SERPINF1: variants seen among roughly 807,000 people sequenced by gnomAD.
SERPINF1 encodes the protein pigment epithelium-derived factor.
In SERPINF1, 29 loss-of-function variants were observed where a neutral mutation model predicts 37.3. The observed-to-expected ratio is 0.78, with a 90% CI of 0.58 to 1.06. The LOEUF (loss-of-function observed/expected upper bound fraction) is 1.06, where lower values mean the gene tolerates loss of function less well. Among genes scored for constraint, SERPINF1 ranks in the 50% least tolerant of loss-of-function variants. SERPINF1 has a pLI of 0.00. For missense variants in SERPINF1, 553 were observed against 532.2 expected (o/e 1.04, Z -0.38); for synonymous variants, 281 against 227.9 (o/e 1.23, Z -2.10).
chr17:1,776,329 A>G (rs1390116733), intron 6 of SERPINF1: 3 of 622,292 alleles, frequency 4.8e-6, no homozygotes, highest in Non-Finnish European at 8.6e-6. Context: ...AAAGGCCAAC[A>G]GCATCCTTTC....
At chr17:1,775,482 ACTC>A (rs926540163) in intron 6 of SERPINF1, among the ~76,000 whole-genome samples, 8 of 151,038 alleles carry the variant, frequency 5.3e-5, no homozygotes, top group Non-Finnish European at 8.8e-5. Flanking sequence ...TTCTCTTGAG[ACTC>A]CTATTTCTAG....
chr17:1,763,217 G>T (rs986548615), intron 1 of SERPINF1, among the ~76,000 whole-genome samples: 1 of 152,230 alleles, frequency 6.6e-6, no homozygotes, highest in Non-Finnish European at 1.5e-5. Context: ...GTGGCTGAAG[G>T]CTGTGCGGTT....
chr17:1,769,840 G>A lies in SERPINF1; in HGVS notation c.85-12G>A. 1 of 1,614,166 alleles carries A rather than the reference G, an allele frequency of 6.2e-7. No homozygotes were observed. Among genetic ancestry groups the A allele is most frequent in the Non-Finnish European group, 8.5e-7 (1 of 1,180,016 alleles). On this transcript the variant is annotated splice_polypyrimidine_tract_variant and intron_variant, in intron 2 of 7. Transcript: ENST00000254722. ...CCTGAACTCAAACCCAAGACTTCCT[G>A]TCTCCTGCCAGGGCTCCCCAGACCC...
At chr17:1,774,772 T>C (rs1907925772) in intron 5 of SERPINF1, among the ~76,000 whole-genome samples, 1 of 152,206 alleles carries the variant, frequency 6.6e-6, no homozygotes, top group Admixed American at 6.5e-5. Flanking sequence ...ACCACTTTAC[T>C]TTTCCTGCAG....
At chr17:1,776,860 T>G (rs1188349723) in intron 7 of SERPINF1, 118 bp downstream of exon 7, 2 of 942,770 alleles carry the variant, frequency 2.1e-6, no homozygotes, top group East Asian at 4.9e-5. Flanking sequence ...GGGCCGTGGA[T>G]GAGTCCTTAA....
rs71150813 is a variant in SERPINF1 at position 1,768,430 on chromosome 17, C to CAAAAA, written c.85-1410_85-1406dup. 2.7e-3 allele frequency among the ~76,000 whole-genome samples: 251 copies of CAAAAA among 91,766 alleles called. 3 individuals carry two copies. Among genetic ancestry groups the CAAAAA allele is most frequent in the African/African-American group, 7.7e-3 (216 of 27,904 alleles). 60.2% of individuals were successfully genotyped at this position (91,766 alleles called of 152,430 possible). ...TGGGCGACAGAGTGAGACTCCGTCT[C>CAAAAA]AAAAAAAAAAAAAAAAGAAAGAAAG... On this transcript the variant is annotated intron_variant, in intron 2 of 7. Coordinates refer to ENST00000254722, the MANE Select transcript of SERPINF1 (RefSeq NM_002615.7).
intron 4 of SERPINF1, 127 bp downstream of exon 4, chr17:1,771,311 T>G (rs4491566): frequency 1.0e-6 from 1 of 972,126 alleles, no homozygotes; most frequent in South Asian, 1.6e-5. Flanking sequence ...TGCAGTGGCG[T>G]GATCTCGGCT....
intron 2 of SERPINF1, among the ~76,000 whole-genome samples, chr17:1,767,571 C>T (rs1421869218): frequency 2.0e-5 from 3 of 152,186 alleles, no homozygotes; most frequent in Non-Finnish European, 4.4e-5. Context: ...CTCTCCTGCC[C>T]AGAAAGGGCG....
At position 1,776,612 on chromosome 17, in the gene SERPINF1, A is replaced by C; in HGVS notation, c.867A>C (p.Ile289=). The C allele has an allele frequency of 6.2e-7, 1 of 1,614,068 alleles. No individual in the cohort carries two copies. The highest frequency in any genetic ancestry group is 8.5e-7 in the Non-Finnish European group (1 of 1,180,030). ...AAGTGACCCAGAATTTGACCTTGAT[A>C]GAGGAGAGCCTCACCTCCGAGTTCA... ...PLKVTQNLTL[I]EESLTSEFIH... The change falls in exon 7 of 8, where the codon ATA becomes ATC. Residue 289 remains isoleucine, a synonymous_variant. Coordinates refer to ENST00000254722, the MANE Select transcript of SERPINF1 (RefSeq NM_002615.7).
chr17:1,771,764 G>T, intron 4 of SERPINF1, 108 bp from the exon 5 acceptor site: 7 of 1,060,582 alleles, frequency 6.6e-6, no homozygotes, highest in Non-Finnish European at 9.9e-6. Flanking sequence ...TGGCTGGGAA[G>T]TCAGGGCCTG....
intron 6 of SERPINF1, 63 bp from the exon 7 acceptor site, chr17:1,776,469 C>T: frequency 6.7e-7 from 1 of 1,488,346 alleles, no homozygotes; most frequent in African/African-American, 1.4e-5. Flanking sequence ...CAGCTCCTGG[C>T]TGTGTCTGTC....
Position 1,771,063 on chromosome 17 carries a change from G to A in SERPINF1, c.318G>A (p.Arg106=). The A allele has an allele frequency of 6.2e-7, 1 of 1,614,018 alleles. No individual in the cohort carries two copies. Among genetic ancestry groups the A allele is most frequent in the Non-Finnish European group, 8.5e-7 (1 of 1,179,996 alleles). ...AGCGAACAGAATCCATCATTCACCG[G>A]GCTCTCTACTATGACTTGATCAGCA... ...AEQRTESIIH[R]ALYYDLISSP... The change falls in exon 4 of 8, where the codon CGG becomes CGA. Residue 106 remains arginine, a synonymous_variant. Transcript: ENST00000254722.
At chr17:1,770,443 C>A in intron 3 of SERPINF1, 1 of 269,122 alleles carries the variant, frequency 3.7e-6, no homozygotes, top group Non-Finnish European at 7.0e-6. Context: ...CAGCTCACTA[C>A]AGAATAGTCT....
intron 1 of SERPINF1, chr17:1,762,833 AG>A (rs967486992): frequency 6.6e-6 from 1 of 152,404 alleles, no homozygotes; most frequent in African/African-American, 2.4e-5. Flanking sequence ...GCTGGAGACA[AG>A]GGCCGTCCGA....
At chr17:1,770,587 G>A (rs1475008363) in intron 3 of SERPINF1, 4 of 254,368 alleles carry the variant, frequency 1.6e-5, no homozygotes, top group Non-Finnish European at 3.1e-5. Flanking sequence ...AGCCTCCAGA[G>A]TAGCTGGGAT....
intron 1 of SERPINF1, 28 bp from the exon 2 acceptor site, chr17:1,766,875 G>A (rs927121478): frequency 1.2e-5 from 18 of 1,545,512 alleles, no homozygotes; most frequent in Admixed American, 3.9e-5. Context: ...GGGGGAGAGC[G>A]GCTTGCTGCC....
chr17:1,771,735 G>A (rs1397463239), intron 4 of SERPINF1, 137 bp from the exon 5 acceptor site: 4 of 823,772 alleles, frequency 4.9e-6, no homozygotes, highest in Non-Finnish European at 8.1e-6. Flanking sequence ...AGAAGTCCTG[G>A]CAAGTCACAG....
At chr17:1,770,653 T>C in intron 3 of SERPINF1, 1 of 290,726 alleles carries the variant, frequency 3.4e-6, no homozygotes, top group Non-Finnish European at 6.7e-6. Flanking sequence ...AGAGACGGGG[T>C]TTCACCATGT....
intron 2 of SERPINF1, chr17:1,769,581 G>A (rs1261473306): frequency 1.4e-5 from 7 of 511,784 alleles, no homozygotes; most frequent in Admixed American, 6.4e-5. Context: ...CTGAGATCGC[G>A]CCACTGAACT....
Sources: allele counts gnomAD v4.1 joint callset (sites outside exome capture counted in the v4.1 genomes callset), GRCh38; gene constraint gnomAD v4.1.1; transcripts MANE v1.5; gene names NCBI Gene and HGNC (gene_info 2026-07-23, HGNC 2026-07-21).